The following LMNTD1 variants were observed in gnomAD, a reference collection of about 807,000 sequenced individuals.
LMNTD1 encodes the protein lamin tail domain-containing protein 1.
LMNTD1 carries 35 observed loss-of-function variants against 50.9 expected under a neutral mutation model. The ratio of observed to expected loss-of-function variants is 0.69; its 90% confidence interval spans 0.53 to 0.91. The LOEUF (loss-of-function observed/expected upper bound fraction) is 0.91, where lower values mean the gene tolerates loss of function less well. Ranked by LOEUF, LMNTD1 falls within the 40% of genes least tolerant of loss-of-function variation. LMNTD1 has a pLI of 0.00. For missense variants in LMNTD1, 470 were observed against 475.5 expected, an observed-to-expected ratio of 0.99 and a Z score of 0.11; for synonymous variants, 153 against 161.9, an observed-to-expected ratio of 0.94 and a Z score of 0.42.
At chr12:25,591,857 G>GAGAGAGAGAGAT (rs1945710042) in intron 1 of LMNTD1, among the ~76,000 whole-genome samples, 1 of 149,526 alleles carries the variant, frequency 6.7e-6, no homozygotes, top group Non-Finnish European at 1.5e-5. Flanking sequence ...GAGAGAGAGA[G>GAGAGAGAGAGAT]ACTCTATTTA....
intron 4 of LMNTD1, among the ~76,000 whole-genome samples, chr12:25,532,716 A>G (rs914842809): frequency 2.0e-5 from 3 of 152,146 alleles, no homozygotes; most frequent in African/African-American, 7.2e-5. Flanking sequence ...AATTTATGTC[A>G]TAATTTCTTT....
At chr12:25,568,517 A>T (rs1944652519) in intron 1 of LMNTD1, among the ~76,000 whole-genome samples, 1 of 152,236 alleles carries the variant, frequency 6.6e-6, no homozygotes, top group Non-Finnish European at 1.5e-5. Context: ...ATAGCCAGGT[A>T]CTGATAGCCA....
At chr12:25,481,736 G>GAAGAGGGTAT (rs573653413) in intron 9 of LMNTD1, among the ~76,000 whole-genome samples, 44 of 151,306 alleles carry the variant, frequency 2.9e-4, no homozygotes, top group Non-Finnish European at 4.9e-4. Context: ...TTAAATCTCT[G>GAAGAGGGTAT]AAGAGGGTAT....
chr12:25,519,756 A>G, intron 7 of LMNTD1, 102 bp downstream of exon 7: 1 of 753,136 alleles, frequency 1.3e-6, no homozygotes. Context: ...TATTGATTTA[A>G]TTTATACATC....
chr12:25,487,137 A>G (rs1173836417), intron 9 of LMNTD1, among the ~76,000 whole-genome samples: 1 of 147,414 alleles, frequency 6.8e-6, no homozygotes, highest in Non-Finnish European at 1.5e-5. Context: ...AGTTCTGTAG[A>G]TGTCTATTAG....
chr12:25,568,555 A>T (rs1317855477), intron 1 of LMNTD1, among the ~76,000 whole-genome samples: 1 of 152,232 alleles, frequency 6.6e-6, no homozygotes, highest in Non-Finnish European at 1.5e-5. Context: ...CCTGGAAGGC[A>T]TTTCAGAGAC....
chr12:25,507,495 C>T (rs191025484), intron 8 of LMNTD1, among the ~76,000 whole-genome samples: 325 of 152,330 alleles, frequency 2.1e-3, no homozygotes, highest in Middle Eastern at 0.01. Context: ...AAGTATTTCT[C>T]TCTCATTTAA....
intron 1 of LMNTD1, among the ~76,000 whole-genome samples, chr12:25,613,758 A>G (rs982372463): frequency 2.0e-5 from 3 of 152,146 alleles, no homozygotes; most frequent in African/African-American, 7.2e-5. Context: ...AGGTCATAGG[A>G]AAAGTAAACA....
intron 4 of LMNTD1, among the ~76,000 whole-genome samples, chr12:25,527,665 TATATATATATATATATACACACACACAC>T (rs1167249821): frequency 1.4e-4 from 7 of 49,036 alleles, no homozygotes; most frequent in South Asian, 8.5e-4. Flanking sequence ...TATATATATA[TATATATATATATATATACACACACACAC>T]ACACACACAC....
chr12:25,511,851 A>G (rs968904043), intron 8 of LMNTD1, among the ~76,000 whole-genome samples: 2 of 152,128 alleles, frequency 1.3e-5, no homozygotes, highest in Admixed American at 6.6e-5. Flanking sequence ...CACTGAACCC[A>G]AAGTTTATTC....
rs1381610248 is a variant in LMNTD1 at position 25,518,945 on chromosome 12, C to T, written c.1039G>A (p.Val347Ile). Residue 347 changes from valine to isoleucine, a missense_variant, in exon 8 of 10, where the codon GTT (valine) becomes ATT (isoleucine). Val to Ile is a conservative substitution (Grantham distance 29). Transcript: ENST00000458174. ...CACCAAGGGCTGCGATTAGGGAAAACGGTTGGTGGGATTTCCTTCTCTCTG... is the reference window on the plus strand; with the variant it reads ...CACCAAGGGCTGCGATTAGGGAAAATGGTTGGTGGGATTTCCTTCTCTCTG... Reference protein sequence around the residue: ...LKREKEIPPTVFPNRSPWCQN... With the variant: ...LKREKEIPPTIFPNRSPWCQN... 1.2e-5 allele frequency: 19 copies of T among 1,613,852 alleles called. No homozygotes were observed. Among genetic ancestry groups the T allele is most frequent in the Non-Finnish European group, 1.5e-5 (18 of 1,179,976 alleles).
chr12:25,561,194 T>A (rs1033522937), intron 1 of LMNTD1, among the ~76,000 whole-genome samples: 31 of 152,246 alleles, frequency 2.0e-4, no homozygotes, highest in African/African-American at 7.2e-4. Flanking sequence ...GCTTTTGAAT[T>A]TGTTTGCTCT....
At chr12:25,491,693 G>T (rs1164557744) in intron 9 of LMNTD1, among the ~76,000 whole-genome samples, 1 of 152,208 alleles carries the variant, frequency 6.6e-6, no homozygotes, top group African/African-American at 2.4e-5. Context: ...GTGCTGCTGG[G>T]AAAGAACAGC....
chr12:25,566,489 G>A (rs1456718560), intron 1 of LMNTD1, among the ~76,000 whole-genome samples: 1 of 152,202 alleles, frequency 6.6e-6, no homozygotes, highest in Non-Finnish European at 1.5e-5. Context: ...TAGTGGAATT[G>A]CTGGATCAAA....
chr12:25,497,307 T>C (rs1939117211), intron 9 of LMNTD1, among the ~76,000 whole-genome samples: 2 of 152,002 alleles, frequency 1.3e-5, no homozygotes, highest in South Asian at 4.1e-4. Flanking sequence ...AACCTGGTAT[T>C]TCAACGGCCG....
At chr12:25,614,354 T>G (rs1010135537) in intron 1 of LMNTD1, among the ~76,000 whole-genome samples, 1 of 152,150 alleles carries the variant, frequency 6.6e-6, no homozygotes. Context: ...ATTCCCTTGA[T>G]GAGCTCCCTA....
At chr12:25,621,190 A>G (rs988753895) in intron 1 of LMNTD1, among the ~76,000 whole-genome samples, 22 of 152,336 alleles carry the variant, frequency 1.4e-4, no homozygotes, top group African/African-American at 4.3e-4. Context: ...AACCGCATCT[A>G]TTAACATGTT....
At chr12:25,543,064 C>T (rs1323790125) in intron 4 of LMNTD1, among the ~76,000 whole-genome samples, 1 of 151,892 alleles carries the variant, frequency 6.6e-6, no homozygotes, top group East Asian at 1.9e-4. Flanking sequence ...ACAAAAACTA[C>T]CCAAGCTTAT....
chr12:25,555,695 A>G (rs2136278129), upstream of LMNTD1, among the ~76,000 whole-genome samples: 1 of 152,366 alleles, frequency 6.6e-6, no homozygotes, highest in East Asian at 1.9e-4. Flanking sequence ...GACAGTAGGA[A>G]GCAGATGAGA....
Sources: gnomAD v4.1 joint callset for allele counts (sites outside exome capture counted in the v4.1 genomes callset) on GRCh38, gnomAD v4.1.1 for gene constraint, MANE v1.5 for transcripts, NCBI Gene and HGNC (gene_info 2026-07-23, HGNC 2026-07-21) for gene names.